PEX14: variants seen among roughly 807,000 people sequenced by gnomAD.
PEX14 encodes peroxisomal membrane protein PEX14.
Under a neutral mutation model 49.5 loss-of-function variants are expected in PEX14, and 15 were observed. The ratio of observed to expected loss-of-function variants is 0.30; its 90% CI spans 0.20 to 0.47. The LOEUF (loss-of-function observed/expected upper bound fraction) is 0.47, where lower values mean the gene tolerates loss of function less well. Ranked by LOEUF, PEX14 falls within the 20% of genes least tolerant of loss-of-function variation. The probability of loss-of-function intolerance (pLI) is 1.00; values close to 1 mark genes in which losing one functional copy is unlikely to be tolerated. For synonymous variants in PEX14, 210 were observed against 212.7 expected, an observed-to-expected ratio of 0.99 and a Z score of 0.11; for missense variants, 398 against 494.8, an observed-to-expected ratio of 0.80 and a Z score of 1.86.
At chr1:10,535,242 A>G (rs1416652954) in intron 2 of PEX14, among the ~76,000 whole-genome samples, 3 of 152,202 alleles carry the variant, frequency 2.0e-5, no homozygotes, top group Non-Finnish European at 4.4e-5. Context: ...TGGGGTGGAA[A>G]GTAGACAAGC....
intron 3 of PEX14, among the ~76,000 whole-genome samples, chr1:10,577,562 ATTTTTTTTTTTT>A (rs1164876121): frequency 0.04 from 248 of 6,222 alleles, 20 homozygotes; most frequent in South Asian, 0.073. Context: ...ATATATATAT[ATTTTTTTTTTTT>A]TTTTTTTTTT....
At position 10,570,848 on chromosome 1, in the gene PEX14, G is replaced by GTTTTT. The variant is rs70997255; in HGVS notation, c.170-28377_170-28373dup. ...TTTCTTTAGAGAAAATGTCAACAGG[G>GTTTTT]TTTTTTTTTTTTTTTTTGAGATGGT... On this transcript the variant is annotated intron_variant, in intron 3 of 8. Transcript: ENST00000356607. Among the ~76,000 whole-genome samples, 22 of 113,914 alleles carry GTTTTT rather than the reference G, an allele frequency of 1.9e-4. 7 individuals are homozygous for GTTTTT. The highest frequency in any genetic ancestry group is 5.1e-4 in the East Asian group (2 of 3,922). The allele number at this position is 113,914 out of a possible 152,430, so 74.7% of individuals were successfully genotyped here.
At chr1:10,496,852 T>C (rs1190252974) in intron 2 of PEX14, among the ~76,000 whole-genome samples, 1 of 151,944 alleles carries the variant, frequency 6.6e-6, no homozygotes, top group Non-Finnish European at 1.5e-5. Context: ...TCAGACTCAT[T>C]CTCTCCAGGC....
At chr1:10,543,226 C>G (rs889120146) in intron 3 of PEX14, among the ~76,000 whole-genome samples, 1 of 152,218 alleles carries the variant, frequency 6.6e-6, no homozygotes, top group Non-Finnish European at 1.5e-5. Context: ...CTTCTGCTTC[C>G]CAAGTTCAAG....
intron 2 of PEX14, among the ~76,000 whole-genome samples, chr1:10,496,483 C>G (rs1489818362): frequency 6.6e-6 from 1 of 152,168 alleles, no homozygotes; most frequent in African/African-American, 2.4e-5. Flanking sequence ...GCCCCTCAGG[C>G]CGAAGTTGTG....
chr1:10,568,323 T>TCCCCCCCCCC (rs58295618), intron 3 of PEX14, among the ~76,000 whole-genome samples: 3 of 118,762 alleles, frequency 2.5e-5, no homozygotes, highest in African/African-American at 7.5e-5. Flanking sequence ...TAGATACTCT[T>TCCCCCCCCCC]CCCCCCCCCC....
chr1:10,593,870 G>A (rs924442427), intron 3 of PEX14, among the ~76,000 whole-genome samples: 1 of 152,148 alleles, frequency 6.6e-6, no homozygotes, highest in Non-Finnish European at 1.5e-5. Flanking sequence ...TGCTGCCGTC[G>A]TAATTTCATG....
intron 5 of PEX14, among the ~76,000 whole-genome samples, 173 bp from the exon 6 acceptor site, chr1:10,622,846 G>A (rs1641633171): frequency 6.6e-6 from 1 of 152,198 alleles, no homozygotes; most frequent in Middle Eastern, 3.2e-3. Context: ...TTTTTACGTG[G>A]TTGTAATCGC....
intron 2 of PEX14, among the ~76,000 whole-genome samples, chr1:10,515,099 G>A (rs1641948406): frequency 6.6e-6 from 1 of 152,180 alleles, no homozygotes; most frequent in Non-Finnish European, 1.5e-5. Context: ...GCATGGATCT[G>A]TGCCAGGCTT....
At chr1:10,498,441 A>C (rs1324787793) in intron 2 of PEX14, among the ~76,000 whole-genome samples, 2 of 152,220 alleles carry the variant, frequency 1.3e-5, no homozygotes, top group African/African-American at 2.4e-5. Flanking sequence ...TAGGCAAAGA[A>C]GACTTGATTT....
At chr1:10,565,039 G>T (rs138131323) in intron 3 of PEX14, among the ~76,000 whole-genome samples, 1,703 of 151,754 alleles carry the variant, frequency 0.011, 34 homozygotes, top group African/African-American at 0.039. Flanking sequence ...AAGTAGTTGG[G>T]ACTACAGGTG....
rs567668086 is a variant in PEX14, at chr1:10,509,062, G to A, written c.84+13741G>A. On this transcript the variant is annotated intron_variant, in intron 2 of 8. Coordinates refer to ENST00000356607, the MANE Select transcript of PEX14 (RefSeq NM_004565.3). ...CGCCATTCTCCTGCCTCAGCCTCCC[G>A]AGTAGCTGGGACTACAGGCGCCCGC... Among the ~76,000 whole-genome samples the A allele has an allele frequency of 2.6e-4, 39 of 152,038 alleles. No individual in the cohort carries two copies. The South Asian group carries it at 5.6e-3, about 22-fold the overall frequency.
At chr1:10,522,526 G>A (rs1488494335) in intron 2 of PEX14, among the ~76,000 whole-genome samples, 1 of 152,252 alleles carries the variant, frequency 6.6e-6, no homozygotes, top group Non-Finnish European at 1.5e-5. Flanking sequence ...GGTGGGACCA[G>A]ATGGCTCAAG....
intron 2 of PEX14, among the ~76,000 whole-genome samples, chr1:10,530,420 G>A (rs560220469): frequency 6.6e-6 from 1 of 152,348 alleles, no homozygotes; most frequent in East Asian, 1.9e-4. Context: ...CGGAGCGGCC[G>A]CCCCGGCCTG....
At chr1:10,500,776 T>C (rs1233590139) in intron 2 of PEX14, among the ~76,000 whole-genome samples, 1 of 152,208 alleles carries the variant, frequency 6.6e-6, no homozygotes, top group Non-Finnish European at 1.5e-5. Context: ...GGTTTTGCCA[T>C]GTTGGCCAGG....
intron 2 of PEX14, among the ~76,000 whole-genome samples, chr1:10,531,084 G>A (rs144610280): frequency 2.8e-4 from 42 of 152,264 alleles, no homozygotes; most frequent in African/African-American, 7.7e-4. Context: ...GTGAATGGTA[G>A]ATCAGAGAGG....
intron 1 of PEX14, among the ~76,000 whole-genome samples, chr1:10,483,430 C>G (rs554587504): frequency 1.6e-3 from 246 of 152,266 alleles, no homozygotes; most frequent in African/African-American, 5.6e-3. Flanking sequence ...GATTCTCCCC[C>G]CTCAGCCTCC....
At chr1:10,620,772 G>A (rs779699614) in intron 5 of PEX14, among the ~76,000 whole-genome samples, 5 of 152,242 alleles carry the variant, frequency 3.3e-5, no homozygotes, top group African/African-American at 4.8e-5. Context: ...GCACTCCAGC[G>A]TGGGTGAAAG....
At chr1:10,534,464 C>A (rs1368239545) in intron 2 of PEX14, among the ~76,000 whole-genome samples, 3 of 152,134 alleles carry the variant, frequency 2.0e-5, no homozygotes, top group Non-Finnish European at 4.4e-5. Flanking sequence ...TACCCATCCC[C>A]TTTTCTTTTT....
Sources: allele counts gnomAD v4.1 joint callset (sites outside exome capture counted in the v4.1 genomes callset), GRCh38; gene constraint gnomAD v4.1.1; transcripts MANE v1.5; gene names NCBI Gene and HGNC (gene_info 2026-07-23, HGNC 2026-07-21).